Variants in ABTB3 observed in about 807,000 individuals in gnomAD.
ABTB3 encodes the protein ankyrin repeat- and BTB/POZ domain-containing protein 3.
At chr12:107,597,584 C>G in the ABTB3 span, among the ~76,000 whole-genome samples, 1 of 152,184 alleles carries the variant, frequency 6.6e-6, no homozygotes, top group Non-Finnish European at 1.5e-5. Flanking sequence ...AAAACACTAC[C>G]ACAATAGCAA....
chr12:107,464,033 C>A, the ABTB3 span, among the ~76,000 whole-genome samples: 12 of 152,244 alleles, frequency 7.9e-5, no homozygotes, highest in African/African-American at 2.6e-4. Flanking sequence ...CAGGGAGGAG[C>A]GGGAGGCACA....
the ABTB3 span, among the ~76,000 whole-genome samples, chr12:107,601,041 A>G: frequency 6.6e-6 from 1 of 152,242 alleles, no homozygotes; most frequent in Non-Finnish European, 1.5e-5. Flanking sequence ...CATAGCAATG[A>G]ATTACGCATT....
chr12:107,517,181 T>G, the ABTB3 span, among the ~76,000 whole-genome samples: 380 of 152,242 alleles, frequency 2.5e-3, 6 homozygotes, highest in African/African-American at 7.2e-3. Context: ...TGGTTGTAGA[T>G]GTGTGGTATT....
At chr12:107,564,084 A>ATC in the ABTB3 span, among the ~76,000 whole-genome samples, 1,880 of 104,846 alleles carry the variant, frequency 0.018, 23 homozygotes, top group African/African-American at 0.041. Flanking sequence ...CTCTCTATCT[A>ATC]TCTCTCTGTG....
At chr12:107,485,900 T>G in the ABTB3 span, among the ~76,000 whole-genome samples, 2 of 152,354 alleles carry the variant, frequency 1.3e-5, no homozygotes, top group Admixed American at 1.3e-4. Context: ...TGATTCCAAG[T>G]TCCTGCTAAC....
At chr12:107,581,239 C>T in the ABTB3 span, 4 of 1,526,228 alleles carry the variant, frequency 2.6e-6, no homozygotes, top group Admixed American at 2.0e-5. Flanking sequence ...CCATGGACAG[C>T]GACGACGTCC....
At chr12:107,374,301 C>T in the ABTB3 span, among the ~76,000 whole-genome samples, 14 of 152,170 alleles carry the variant, frequency 9.2e-5, no homozygotes, top group South Asian at 2.1e-4. Flanking sequence ...GACACAGTTC[C>T]GGCTTCAGAA....
At chr12:107,591,605 T>G in the ABTB3 span, among the ~76,000 whole-genome samples, 1 of 152,142 alleles carries the variant, frequency 6.6e-6, no homozygotes, top group African/African-American at 2.4e-5. Flanking sequence ...AACATGAGAT[T>G]TGGGCAAGGA....
At chr12:107,560,468 A>C in the ABTB3 span, among the ~76,000 whole-genome samples, 5 of 152,196 alleles carry the variant, frequency 3.3e-5, no homozygotes, top group Non-Finnish European at 7.4e-5. Flanking sequence ...GTAGGGAACA[A>C]TGGCATCTGC....
chr12:107,492,551 C>T, the ABTB3 span, among the ~76,000 whole-genome samples: 2 of 152,134 alleles, frequency 1.3e-5, no homozygotes, highest in Non-Finnish European at 2.9e-5. Context: ...ACTTTTCCCA[C>T]AATCCTATAG....
chr12:107,399,581 T>C, the ABTB3 span, among the ~76,000 whole-genome samples: 2 of 152,316 alleles, frequency 1.3e-5, no homozygotes. Context: ...TGGAATCACC[T>C]GACAAAAAAT....
At chr12:107,506,544 A>G in the ABTB3 span, among the ~76,000 whole-genome samples, 1 of 93,106 alleles carries the variant, frequency 1.1e-5, no homozygotes, top group East Asian at 2.2e-4. Flanking sequence ...AATAACCATG[A>G]AAAAAAAAAG....
the ABTB3 span, among the ~76,000 whole-genome samples, chr12:107,393,585 A>C: frequency 6.6e-5 from 10 of 152,244 alleles, no homozygotes; most frequent in African/African-American, 2.2e-4. Context: ...TTACAGAAGC[A>C]CACCTGCCAT....
At chr12:107,354,287 T>C in the ABTB3 span, among the ~76,000 whole-genome samples, 1 of 152,206 alleles carries the variant, frequency 6.6e-6, no homozygotes, top group African/African-American at 2.4e-5. Context: ...ATCAATGGTT[T>C]TCAGTATATT....
chr12:107,652,559 A>G, the ABTB3 span, among the ~76,000 whole-genome samples: 33 of 152,204 alleles, frequency 2.2e-4, no homozygotes, highest in African/African-American at 7.0e-4. Context: ...AGGCAGACCC[A>G]ACACCTGGCT....
At chr12:107,628,172 C>T in the ABTB3 span, among the ~76,000 whole-genome samples, 1 of 152,172 alleles carries the variant, frequency 6.6e-6, no homozygotes, top group Non-Finnish European at 1.5e-5. Context: ...TGGACTTTCA[C>T]TCTTGTCACT....
the ABTB3 span, among the ~76,000 whole-genome samples, chr12:107,474,143 GT>G: frequency 6.6e-6 from 1 of 152,206 alleles, no homozygotes; most frequent in African/African-American, 2.4e-5. Context: ...CCTAGGGCAT[GT>G]TTTTGGTGAC....
the ABTB3 span, among the ~76,000 whole-genome samples, chr12:107,421,639 C>A: frequency 6.6e-6 from 1 of 152,156 alleles, no homozygotes; most frequent in African/African-American, 2.4e-5. Context: ...GACAGGGGTC[C>A]ACTTTATTTC....
the ABTB3 span, among the ~76,000 whole-genome samples, chr12:107,478,120 A>G: frequency 6.6e-6 from 1 of 152,174 alleles, no homozygotes; most frequent in African/African-American, 2.4e-5. Context: ...TCCTCAACAC[A>G]CAGTTCAGAG....
Sources: gnomAD v4.1 joint callset for allele counts (sites outside exome capture counted in the v4.1 genomes callset) on GRCh38, gnomAD v4.1.1 for gene constraint, MANE v1.5 for transcripts, NCBI Gene and HGNC (gene_info 2026-07-23, HGNC 2026-07-21) for gene names.